GPR158: variants seen among roughly 807,000 people sequenced by gnomAD.
The protein encoded by GPR158 is metabotropic glycine receptor.
Under a neutral mutation model 78.2 loss-of-function variants are expected in GPR158, and 30 were observed. The observed-to-expected ratio is 0.38, with a 90% CI of 0.29 to 0.52. The LOEUF is 0.52. Ranked by LOEUF, GPR158 falls within the 20% of genes least tolerant of loss-of-function variation. The pLI is 0.83. For synonymous variants in GPR158, 581 were observed against 591.1 expected, an observed-to-expected ratio of 0.98 and a Z score of 0.25; for missense variants, 1,463 against 1,523.5, an observed-to-expected ratio of 0.96 and a Z score of 0.66.
intron 2 of GPR158, among the ~76,000 whole-genome samples, chr10:25,242,074 C>T (rs549570451): frequency 1.1e-4 from 17 of 152,206 alleles, no homozygotes; most frequent in African/African-American, 3.9e-4. Context: ...AGAAAATTAC[C>T]AATTCAAAGG....
At chr10:25,498,531 C>G (rs1305478627) in intron 5 of GPR158, among the ~76,000 whole-genome samples, 1 of 152,272 alleles carries the variant, frequency 6.6e-6, no homozygotes, top group East Asian at 1.9e-4. Context: ...CCAGATGATT[C>G]TAATGCGCAC....
chr10:25,459,779 T>C (rs970629533), intron 4 of GPR158, among the ~76,000 whole-genome samples: 3 of 152,194 alleles, frequency 2.0e-5, no homozygotes, highest in African/African-American at 7.2e-5. Flanking sequence ...AAACATGGAA[T>C]TTAGAAATTG....
At chr10:25,495,446 T>C (rs3005184) in intron 5 of GPR158, among the ~76,000 whole-genome samples, 75,272 of 150,986 alleles carry the variant, frequency 0.5, 19,340 homozygotes, top group East Asian at 0.79. Context: ...GTGCCTGCCA[T>C]CACGCCCGGC....
In GPR158 at chr10:25,216,705, C is replaced by G. The variant is rs144797929; in HGVS notation, c.903-4347C>G. Among the ~76,000 whole-genome samples, 376 of 152,282 alleles carry G rather than the reference C, an allele frequency of 2.5e-3. 1 individual carries two copies. Among genetic ancestry groups the G allele is most frequent in the Non-Finnish European group, 2.2e-3 (147 of 68,026 alleles). ...CTGCATTATGGGAGAATAAGGGACTCTCTTCCATATCAGACTTGGAGTTCA... is the reference window on the plus strand; with the variant it reads ...CTGCATTATGGGAGAATAAGGGACTGTCTTCCATATCAGACTTGGAGTTCA... On this transcript the variant is annotated intron_variant, in intron 1 of 10. Transcript: ENST00000376351.
chr10:25,515,314 G>A (rs1442767375), intron 5 of GPR158, among the ~76,000 whole-genome samples: 6 of 151,486 alleles, frequency 4.0e-5, no homozygotes, highest in South Asian at 2.1e-4. Context: ...TTTGCATTTC[G>A]CTAAGTATGT....
intron 2 of GPR158, among the ~76,000 whole-genome samples, chr10:25,317,721 TTTTTGTTTTG>T (rs1205382690): frequency 1.7e-5 from 2 of 119,300 alleles, no homozygotes; most frequent in African/African-American, 4.6e-5. Context: ...AAAGTGTTTT[TTTTTGTTTTG>T]TTTTGTTTTG....
At chr10:25,433,783 T>C (rs1224356965) in intron 4 of GPR158, among the ~76,000 whole-genome samples, 1 of 149,518 alleles carries the variant, frequency 6.7e-6, no homozygotes, top group African/African-American at 2.5e-5. Flanking sequence ...TCCTCTTGCC[T>C]TGGGCTCCTA....
chr10:25,257,818 T>TA (rs1006741845), intron 2 of GPR158, among the ~76,000 whole-genome samples: 5 of 152,198 alleles, frequency 3.3e-5, no homozygotes, highest in African/African-American at 1.2e-4. Flanking sequence ...ATATATCACT[T>TA]ACGCAAGTAG....
At chr10:25,542,823 CA>C (rs5783943) in intron 5 of GPR158, among the ~76,000 whole-genome samples, 2,117 of 94,352 alleles carry the variant, frequency 0.022, 22 homozygotes, top group Non-Finnish European at 0.031. Context: ...AACTCCATCT[CA>C]AAAAAAAAAA....
intron 2 of GPR158, among the ~76,000 whole-genome samples, chr10:25,322,967 C>T (rs1412471759): frequency 1.3e-5 from 2 of 152,148 alleles, no homozygotes; most frequent in African/African-American, 2.4e-5. Flanking sequence ...CTGCCTCAGC[C>T]TCCCGAGTAG....
At chr10:25,405,118 A>G (rs1834495006) in intron 3 of GPR158, among the ~76,000 whole-genome samples, 1 of 152,154 alleles carries the variant, frequency 6.6e-6, no homozygotes, top group South Asian at 2.1e-4. Flanking sequence ...ATAATAAATT[A>G]CATCAATGTA....
intron 2 of GPR158, among the ~76,000 whole-genome samples, chr10:25,370,394 C>T (rs1833969745): frequency 2.2e-5 from 2 of 89,942 alleles, no homozygotes; most frequent in African/African-American, 8.9e-5. Context: ...TTTCAAAGAA[C>T]ATCTTTATTT....
intron 2 of GPR158, among the ~76,000 whole-genome samples, chr10:25,385,719 A>G (rs1208021850): frequency 1.3e-5 from 2 of 152,138 alleles, no homozygotes; most frequent in Non-Finnish European, 2.9e-5. Context: ...CTAAGTATTT[A>G]GTGATGTTTA....
chr10:25,301,701 AT>A (rs10714844), intron 2 of GPR158, among the ~76,000 whole-genome samples: 121,909 of 151,852 alleles, frequency 0.8, 49,988 homozygotes, highest in African/African-American at 0.9. Context: ...TTTGACACAG[AT>A]TTTTTTTTGA....
intron 2 of GPR158, among the ~76,000 whole-genome samples, chr10:25,299,709 G>A (rs1329545934): frequency 6.6e-6 from 1 of 152,168 alleles, no homozygotes; most frequent in Non-Finnish European, 1.5e-5. Context: ...GTGCAGATAT[G>A]TTTATACTCG....
chr10:25,373,037 A>G lies in GPR158; in HGVS notation c.1009-22874A>G, dbSNP rs575467450. Among the ~76,000 whole-genome samples the G allele has an allele frequency of 1.9e-3, 289 of 151,952 alleles. 1 individual carries two copies. Among genetic ancestry groups the G allele is most frequent in the African/African-American group, 6.3e-3 (262 of 41,510 alleles). ...CAGCACTATTCATGATAGCAAAGGC[A>G]TGGAATCAACCTAAATGCCCATCAA... is the stretch of plus-strand genomic sequence containing the variant. On this transcript the variant is annotated intron_variant, in intron 2 of 10. Transcript: ENST00000376351.
rs540600426 is a variant in GPR158, at chr10:25,446,507, T to A, written c.1336-20144T>A. Among the ~76,000 whole-genome samples the A allele has an allele frequency of 1.6e-3, 215 of 135,600 alleles. 2 individuals are homozygous for A. Among genetic ancestry groups the A allele is most frequent in the South Asian group, 3.2e-3 (15 of 4,704 alleles). 89.0% of individuals were successfully genotyped at this position (135,600 alleles called of 152,430 possible). ...CGAATCCATTCTATTTTAATGATTATCTTTATTTTATTCTCTTGAGAGTAT... is the reference window on the plus strand; with the variant it reads ...CGAATCCATTCTATTTTAATGATTAACTTTATTTTATTCTCTTGAGAGTAT... On this transcript the variant is annotated intron_variant, in intron 4 of 10. Coordinates refer to ENST00000376351, the MANE Select transcript of GPR158 (RefSeq NM_020752.3).
intron 4 of GPR158, among the ~76,000 whole-genome samples, chr10:25,456,820 CAA>C (rs1188049317): frequency 1.3e-5 from 2 of 152,160 alleles, no homozygotes; most frequent in Admixed American, 6.5e-5. Flanking sequence ...CTCAGTGTAA[CAA>C]AGAGTGATGC....
intron 2 of GPR158, among the ~76,000 whole-genome samples, chr10:25,320,157 A>T (rs1230574099): frequency 6.6e-6 from 1 of 152,140 alleles, no homozygotes; most frequent in Non-Finnish European, 1.5e-5. Flanking sequence ...AGATATCTTT[A>T]TATGTCCCAG....
Sources: gnomAD v4.1 joint callset for allele counts (sites outside exome capture counted in the v4.1 genomes callset) on GRCh38, gnomAD v4.1.1 for gene constraint, MANE v1.5 for transcripts, NCBI Gene and HGNC (gene_info 2026-07-23, HGNC 2026-07-21) for gene names.